The following ACTR3 variants were observed in gnomAD, a reference collection of about 807,000 sequenced individuals.
ACTR3 encodes the protein actin related protein 3.
In ACTR3, 12 loss-of-function variants were observed where a neutral mutation model predicts 56.8. That is an observed-to-expected ratio of 0.21 (90% CI 0.14 to 0.34). The LOEUF (loss-of-function observed/expected upper bound fraction) is 0.34. Among genes scored for constraint, ACTR3 ranks in the 10% least tolerant of loss-of-function variants. ACTR3 has a pLI of 1.00. For missense variants in ACTR3, 282 were observed against 512.5 expected, an observed-to-expected ratio of 0.55 and a Z score of 4.34; for synonymous variants, 162 against 167.4, an observed-to-expected ratio of 0.97 and a Z score of 0.25.
chr2:113,902,833 C>CA (rs1353893205), intron 1 of ACTR3, among the ~76,000 whole-genome samples: 1 of 152,184 alleles, frequency 6.6e-6, no homozygotes. Flanking sequence ...CTCCTGACCT[C>CA]AGGTGATCGC....
rs1221535316 is a variant in ACTR3 at position 113,959,077 on chromosome 2, A to T, written c.*1622A>T. 6.6e-6 allele frequency: 1 copy of T among 152,032 alleles called. No individual in the cohort carries two copies. Among genetic ancestry groups the T allele is most frequent in the Non-Finnish European group, 1.5e-5 (1 of 67,912 alleles). 9.4% of individuals were successfully genotyped at this position (152,032 alleles called of 1,614,324 possible). Reference sequence around the variant, plus strand: ...GTCTCCTTTTTTTACTTGGAAAAGTAATTCACAAACATTATAAAAATACTA... The same window carrying T: ...GTCTCCTTTTTTTACTTGGAAAAGTTATTCACAAACATTATAAAAATACTA... On this transcript the variant is annotated 3_prime_UTR_variant, in exon 12 of 12. Transcript: ENST00000263238.
At chr2:113,912,469 G>C (rs10210324) in intron 1 of ACTR3, among the ~76,000 whole-genome samples, 1 of 151,888 alleles carries the variant, frequency 6.6e-6, no homozygotes, top group Non-Finnish European at 1.5e-5. Flanking sequence ...TGTAGGCCAA[G>C]TCTACTGTGA....
At chr2:113,932,609 A>G (rs1482044748) in intron 5 of ACTR3, among the ~76,000 whole-genome samples, 1 of 152,174 alleles carries the variant, frequency 6.6e-6, no homozygotes, top group African/African-American at 2.4e-5. Context: ...TTTCTGTAAC[A>G]TGATGTGCTG....
intron 3 of ACTR3, 55 bp downstream of exon 3, chr2:113,917,063 C>CTT: frequency 6.9e-7 from 1 of 1,458,472 alleles, no homozygotes; most frequent in Non-Finnish European, 9.3e-7. Flanking sequence ...TTGTTCGATG[C>CTT]TTGTGCCCTC....
At chr2:113,945,898 G>T (rs989409516) in intron 8 of ACTR3, among the ~76,000 whole-genome samples, 2 of 152,104 alleles carry the variant, frequency 1.3e-5, no homozygotes, top group Non-Finnish European at 2.9e-5. Flanking sequence ...TGCAGTAATT[G>T]GTTTTCTGTT....
chr2:113,926,458 A>G (rs979784126), intron 3 of ACTR3, among the ~76,000 whole-genome samples: 2 of 152,310 alleles, frequency 1.3e-5, no homozygotes, highest in African/African-American at 4.8e-5. Context: ...TGAATACTTG[A>G]GACTGAGTAA....
At chr2:113,954,564 A>G (rs1006529750) in intron 10 of ACTR3, 13 of 148,114 alleles carry the variant, frequency 8.8e-5, no homozygotes, top group Non-Finnish European at 1.8e-4. Flanking sequence ...ACCACTCATC[A>G]TTAATTTTAA....
intron 7 of ACTR3, among the ~76,000 whole-genome samples, chr2:113,940,319 AG>A (rs1360036852): frequency 6.6e-6 from 1 of 152,190 alleles, no homozygotes; most frequent in Admixed American, 6.5e-5. Flanking sequence ...TATATTTGAG[AG>A]GAGTAATATA....
chr2:113,956,794 AGT>A (rs1315874783), intron 11 of ACTR3, among the ~76,000 whole-genome samples: 1 of 152,182 alleles, frequency 6.6e-6, no homozygotes, highest in Admixed American at 6.5e-5. Context: ...AAGAGGTGAA[AGT>A]TATTTTTTTC....
At chr2:113,920,483 T>C (rs1679487465) in intron 3 of ACTR3, among the ~76,000 whole-genome samples, 1 of 152,232 alleles carries the variant, frequency 6.6e-6, no homozygotes, top group South Asian at 2.1e-4. Context: ...CAAACACTTA[T>C]TTTTTTGTGT....
At chr2:113,917,437 C>T (rs916313986) in intron 3 of ACTR3, among the ~76,000 whole-genome samples, 4 of 152,042 alleles carry the variant, frequency 2.6e-5, no homozygotes, top group African/African-American at 9.7e-5. Context: ...CCTTTTCCCT[C>T]CCTCTTTTAA....
intron 5 of ACTR3, 47 bp from the exon 6 acceptor site, chr2:113,934,232 G>GTTTTTTTTTTTT (rs5833524): frequency 3.1e-6 from 3 of 955,204 alleles, no homozygotes; most frequent in African/African-American, 1.9e-5. Context: ...TTGTTTTTTT[G>GTTTTTTTTTTTT]TTTTTTTTTT....
At chr2:113,927,945 A>G (rs1259671931) in intron 4 of ACTR3, among the ~76,000 whole-genome samples, 3 of 152,292 alleles carry the variant, frequency 2.0e-5, no homozygotes, top group African/African-American at 4.8e-5. Flanking sequence ...CCTTTGGTTC[A>G]TATTCCCCGG....
intron 2 of ACTR3, among the ~76,000 whole-genome samples, chr2:113,914,744 G>T (rs1249076454): frequency 1.3e-5 from 2 of 151,938 alleles, no homozygotes; most frequent in African/African-American, 4.8e-5. Flanking sequence ...TGACTTGTGT[G>T]TTTCTCCTAT....
chr2:113,923,732 CTTTT>C (rs35354751), intron 3 of ACTR3, among the ~76,000 whole-genome samples: 3 of 142,218 alleles, frequency 2.1e-5, no homozygotes, highest in African/African-American at 2.6e-5. Flanking sequence ...TTCAGTTCTC[CTTTT>C]TTTTTTTTTT....
chr2:113,929,723 C>T (rs1679684435), intron 4 of ACTR3, among the ~76,000 whole-genome samples: 1 of 152,054 alleles, frequency 6.6e-6, no homozygotes, highest in African/African-American at 2.4e-5. Context: ...GTCACCCAGG[C>T]TGGAGTGCAG....
chr2:113,891,559 A>C (rs1395358466), intron 1 of ACTR3, among the ~76,000 whole-genome samples: 1 of 144,522 alleles, frequency 6.9e-6, no homozygotes, highest in African/African-American at 2.8e-5. Flanking sequence ...CAATTCCCAG[A>C]ACACTCCCAG....
At chr2:113,945,517 T>C (rs534318886) in intron 8 of ACTR3, among the ~76,000 whole-genome samples, 1 of 152,324 alleles carries the variant, frequency 6.6e-6, no homozygotes, top group African/African-American at 2.4e-5. Context: ...ATCAATAGTA[T>C]TGTAATATTT....
chr2:113,926,944 A>C (rs2104605383), intron 3 of ACTR3, among the ~76,000 whole-genome samples: 1 of 152,340 alleles, frequency 6.6e-6, no homozygotes, highest in African/African-American at 2.4e-5. Context: ...TTCGGCATAC[A>C]ACAAATACTT....
Sources: allele counts gnomAD v4.1 joint callset (sites outside exome capture counted in the v4.1 genomes callset), GRCh38; gene constraint gnomAD v4.1.1; transcripts MANE v1.5; gene names NCBI Gene and HGNC (gene_info 2026-07-23, HGNC 2026-07-21).